Variants in KIAA2012 observed in about 807,000 individuals in gnomAD.
KIAA2012 encodes uncharacterized protein KIAA2012.
Under a neutral mutation model 150.6 loss-of-function variants are expected in KIAA2012, and 125 were observed. The ratio of observed to expected loss-of-function variants is 0.83; its 90% CI spans 0.72 to 0.96. The LOEUF is 0.96. Among genes scored for constraint, KIAA2012 ranks in the 40% least tolerant of loss-of-function variants. KIAA2012 has a pLI of 0.00. For missense variants in KIAA2012, 1,219 were observed against 1,354.9 expected, an observed-to-expected ratio of 0.90 and a Z score of 1.57; for synonymous variants, 462 against 504.7, an observed-to-expected ratio of 0.92 and a Z score of 1.13.
chr2:202,163,906 T>C (rs1260996740), intron 14 of KIAA2012, among the ~76,000 whole-genome samples: 1 of 148,898 alleles, frequency 6.7e-6, no homozygotes, highest in Non-Finnish European at 1.5e-5. Flanking sequence ...GTATATATCA[T>C]CAGCTACAAA....
chr2:202,179,994 G>A (rs1692085552), intron 15 of KIAA2012: 1 of 605,584 alleles, frequency 1.7e-6, no homozygotes, highest in Non-Finnish European at 3.0e-6. Context: ...CCAGCCGGGT[G>A]GGCGCGGTGG....
intron 11 of KIAA2012, among the ~76,000 whole-genome samples, chr2:202,122,431 CTGTT>C (rs1690674323): frequency 6.6e-6 from 1 of 152,074 alleles, no homozygotes; most frequent in Non-Finnish European, 1.5e-5. Flanking sequence ...CATGACAAGA[CTGTT>C]TGCAGATCCT....
At chr2:202,100,961 T>C (rs1452510014) in intron 7 of KIAA2012, among the ~76,000 whole-genome samples, 2 of 152,216 alleles carry the variant, frequency 1.3e-5, no homozygotes, top group African/African-American at 2.4e-5. Context: ...GGCCTGGTCC[T>C]GCCTTGCAGT....
intron 12 of KIAA2012, chr2:202,138,095 AT>A (rs553617627): frequency 2.2e-5 from 4 of 178,130 alleles, no homozygotes; most frequent in African/African-American, 4.7e-5. Flanking sequence ...GCATCAGCAG[AT>A]TTTTTTCCAT....
intron 11 of KIAA2012, chr2:202,116,275 A>T (rs2105931594): frequency 6.6e-6 from 1 of 152,148 alleles, no homozygotes; most frequent in East Asian, 1.9e-4. Context: ...CTTGTTCTAA[A>T]TGGATTTTTA....
At chr2:202,163,808 T>TTTTTA (rs764115060) in intron 14 of KIAA2012, among the ~76,000 whole-genome samples, 2 of 58,242 alleles carry the variant, frequency 3.4e-5, no homozygotes, top group Non-Finnish European at 6.5e-5. Context: ...TTTTTTTTTT[T>TTTTTA]CCTGTACCAG....
intron 2 of KIAA2012, among the ~76,000 whole-genome samples, chr2:202,076,092 C>T (rs994546994): frequency 6.6e-6 from 1 of 152,242 alleles, no homozygotes; most frequent in Non-Finnish European, 1.5e-5. Context: ...TCCCACCCAT[C>T]CTTCAAAACA....
rs1261544610 is a variant in KIAA2012 at position 202,107,482 on chromosome 2, G to A, written c.1474+1572G>A. 5.9e-5 allele frequency among the ~76,000 whole-genome samples: 9 copies of A among 152,076 alleles called. 1 individual carries two copies. Among genetic ancestry groups the A allele is most frequent in the Admixed American group, 1.3e-4 (2 of 15,276 alleles). The stretch of plus-strand genomic sequence containing the variant: ...CCTTTCTACTTATGGGCCACAATGC[G>A]AGATGCACAGCTGGAGCCACGAGAT... On this transcript the variant is annotated intron_variant, in intron 9 of 23. Transcript: ENST00000498697.
At chr2:202,175,162 A>T (rs1691965399) in intron 15 of KIAA2012, among the ~76,000 whole-genome samples, 1 of 152,002 alleles carries the variant, frequency 6.6e-6, no homozygotes, top group Non-Finnish European at 1.5e-5. Context: ...TTGAGTTTCA[A>T]TCTAGACTTT....
chr2:202,193,167 A>G, intron 19 of KIAA2012, 134 bp from the exon 20 acceptor site: 1 of 846,668 alleles, frequency 1.2e-6, no homozygotes, highest in Non-Finnish European at 1.9e-6. Flanking sequence ...GAGTCTATGC[A>G]GCTGTGGGCA....
At chr2:202,158,936 G>T (rs1344320396) in intron 14 of KIAA2012, among the ~76,000 whole-genome samples, 1 of 152,188 alleles carries the variant, frequency 6.6e-6, no homozygotes, top group Non-Finnish European at 1.5e-5. Context: ...AACATCTGAA[G>T]AATGAGAAAT....
rs139935476 is a variant in KIAA2012 at position 202,170,206 on chromosome 2, A to G, written c.2119+4850A>G. ...GCAGCAACAAGTGAGTGAGAGCTCA[A>G]TGGGTCAAGATGGGAGCACTGCTTT... On this transcript the variant is annotated intron_variant, in intron 15 of 23. Coordinates refer to ENST00000498697, the MANE Select transcript of KIAA2012 (RefSeq NM_001277372.4). Among the ~76,000 whole-genome samples, 20 of 152,334 alleles carry G rather than the reference A, an allele frequency of 1.3e-4. No homozygotes were observed. The East Asian group carries it at 3.5e-3, about 26-fold the overall frequency.
At chr2:202,090,145 G>A (rs946123428) in intron 2 of KIAA2012, among the ~76,000 whole-genome samples, 1 of 152,190 alleles carries the variant, frequency 6.6e-6, no homozygotes, top group Non-Finnish European at 1.5e-5. Context: ...CCACCTTATA[G>A]GATTACAGAT....
Position 202,123,537 on chromosome 2 carries a change from C to T in KIAA2012, c.1763-1677C>T, listed in dbSNP as rs371706183. On this transcript the variant is annotated intron_variant, in intron 11 of 23. Transcript: ENST00000498697. ...CTGCTCAGCCTCAGCTATCGGTGCG[C>T]ACGTGACCGTGTGTGTGCCCTGAGA... 1.1e-4 allele frequency among the ~76,000 whole-genome samples: 16 copies of T among 152,286 alleles called. No homozygotes were observed. The East Asian group carries it at 2.9e-3, about 28-fold the overall frequency.
rs1406098141 is a variant in KIAA2012 at position 202,197,115 on chromosome 2, A to G, written c.3407+96A>G. Reference sequence around the variant, plus strand: ...AGCTTTGCACTGCCTTTAGACAAGAAAAGTCCCCCCACCCCCAGCATGGCT... The same window carrying G: ...AGCTTTGCACTGCCTTTAGACAAGAGAAGTCCCCCCACCCCCAGCATGGCT... On this transcript the variant is annotated intron_variant, in intron 22 of 23. Coordinates refer to ENST00000498697, the MANE Select transcript of KIAA2012 (RefSeq NM_001277372.4). The G allele has an allele frequency of 7.9e-6, 12 of 1,521,562 alleles. No individual in the cohort carries two copies. The African/African-American group carries it at 1.3e-4, about 16-fold the overall frequency. The allele number at this position is 1,521,562 out of a possible 1,614,324, so 94.3% of individuals were successfully genotyped here. A position where few individuals can be genotyped will look rare whatever the true frequency, so the allele number is the denominator to read the frequency against.
intron 18 of KIAA2012, 128 bp downstream of exon 18, chr2:202,188,394 C>A: frequency 1.5e-6 from 1 of 688,976 alleles, no homozygotes; most frequent in Non-Finnish European, 2.4e-6. Flanking sequence ...ACTACTACAG[C>A]CAAGATGGTG....
intron 13 of KIAA2012, among the ~76,000 whole-genome samples, chr2:202,143,034 C>T (rs1358529953): frequency 6.7e-6 from 1 of 149,982 alleles, no homozygotes; most frequent in East Asian, 1.9e-4. Context: ...CAAATGCCCA[C>T]TGGGGAGCGA....
chr2:202,105,366 C>A (rs1408181305), intron 8 of KIAA2012, among the ~76,000 whole-genome samples: 1 of 152,180 alleles, frequency 6.6e-6, no homozygotes, highest in African/African-American at 2.4e-5. Context: ...AATATGTGTG[C>A]AGTACTTTTC....
chr2:202,183,093 G>A (rs980545121), intron 15 of KIAA2012, among the ~76,000 whole-genome samples: 2 of 152,140 alleles, frequency 1.3e-5, no homozygotes, highest in Admixed American at 6.5e-5. Flanking sequence ...TGTGTGGCCT[G>A]TGTAACCCTT....
Sources: gnomAD v4.1 joint callset for allele counts (sites outside exome capture counted in the v4.1 genomes callset) on GRCh38, gnomAD v4.1.1 for gene constraint, MANE v1.5 for transcripts, NCBI Gene and HGNC (gene_info 2026-07-23, HGNC 2026-07-21) for gene names.